The following GLYR1 variants were observed in gnomAD, a reference collection of about 807,000 sequenced individuals.
GLYR1 encodes the protein glyoxylate reductase 1 homolog, also known as cytokine-like nuclear factor N-PAC.
A neutral mutation model predicts 72.7 loss-of-function variants in GLYR1; 21 were observed. That is an observed-to-expected ratio of 0.29 (90% CI 0.20 to 0.42). GLYR1 has a LOEUF of 0.42. Among genes scored for constraint, GLYR1 ranks in the 10% least tolerant of loss-of-function variants. The probability of loss-of-function intolerance (pLI) is 1.00; values close to 1 mark genes in which losing one functional copy is unlikely to be tolerated. For missense variants in GLYR1, 594 were observed against 712.1 expected, an observed-to-expected ratio of 0.83 and a Z score of 1.89; for synonymous variants, 392 against 270.2, an observed-to-expected ratio of 1.45 and a Z score of -4.42.
intron 13 of GLYR1, 50 bp from the exon 14 acceptor site, chr16:4,811,852 G>A (rs755201543): frequency 6.4e-7 from 1 of 1,570,428 alleles, no homozygotes; most frequent in African/African-American, 1.4e-5. Flanking sequence ...CCACAGACAG[G>A]GCTTCTCTGT....
chr16:4,824,792 C>T (rs2084273591), intron 5 of GLYR1, among the ~76,000 whole-genome samples: 1 of 152,134 alleles, frequency 6.6e-6, no homozygotes, highest in Non-Finnish European at 1.5e-5. Flanking sequence ...GGTCTGGTCC[C>T]TCTCGACTGC....
chr16:4,841,757 A>G (rs1285055256), intron 3 of GLYR1, among the ~76,000 whole-genome samples: 1 of 152,200 alleles, frequency 6.6e-6, no homozygotes, highest in Non-Finnish European at 1.5e-5. Flanking sequence ...GTAATTATTC[A>G]TTTAGCTAAT....
intron 10 of GLYR1, among the ~76,000 whole-genome samples, chr16:4,816,596 C>A (rs568749499): frequency 2.0e-4 from 31 of 151,728 alleles, no homozygotes; most frequent in Admixed American, 7.9e-4. Context: ...GGAGTATTAT[C>A]AAAAAAAATC....
chr16:4,831,711 C>T (rs2084811968), intron 5 of GLYR1, among the ~76,000 whole-genome samples: 1 of 152,202 alleles, frequency 6.6e-6, no homozygotes, highest in African/African-American at 2.4e-5. Flanking sequence ...CTCACTCCAT[C>T]ACCCAGGCTA....
rs1167470221 is a variant in GLYR1 at position 4,828,068 on chromosome 16, G to GTA, written c.537+3909_537+3910dup. 1.3e-3 allele frequency among the ~76,000 whole-genome samples: 194 copies of GTA among 150,682 alleles called. 1 individual carries two copies. The highest frequency in any genetic ancestry group is 4.5e-3 in the African/African-American group (187 of 41,126). On this transcript the variant is annotated intron_variant, in intron 5 of 15. Coordinates refer to ENST00000321919, the MANE Select transcript of GLYR1 (RefSeq NM_032569.4). ...ATGAAGTATTTTTAACTTAAGGCAT[G>GTA]TATATATATATATTTTTTTGAGATG...
Position 4,811,685 on chromosome 16 carries a change from G to A in GLYR1, c.1400C>T (p.Thr467Ile). 6.2e-7 allele frequency: 1 copy of A among 1,614,248 alleles called. No individual in the cohort carries two copies. The highest frequency in any genetic ancestry group is 8.5e-7 in the Non-Finnish European group (1 of 1,180,050). The change falls in exon 14 of 16, where the codon ACA becomes ATA. Residue 467 changes from threonine to isoleucine, a missense_variant. Thr to Ile is a moderately conservative substitution (Grantham distance 89, BLOSUM62 -1). Transcript: ENST00000321919. ...LAQVTGQSQQ[T>I]LLDILNQGQL... Reference sequence around the variant, plus strand: ...TCCCTGATTGAGGATGTCCAAGAGTGTCTGCTGGGACTGGCCTGTCACCTG... The same window carrying A: ...TCCCTGATTGAGGATGTCCAAGAGTATCTGCTGGGACTGGCCTGTCACCTG...
intron 5 of GLYR1, among the ~76,000 whole-genome samples, chr16:4,829,765 T>C (rs4619406): frequency 0.58 from 87,528 of 151,908 alleles, 26,378 homozygotes; most frequent in African/African-American, 0.75. Flanking sequence ...CTCTGCCTCC[T>C]GGGTTCACGT....
At chr16:4,830,450 C>T (rs904668246) in intron 5 of GLYR1, among the ~76,000 whole-genome samples, 1 of 152,160 alleles carries the variant, frequency 6.6e-6, no homozygotes, top group African/African-American at 2.4e-5. Flanking sequence ...ACTCCCTGAC[C>T]ATGGCCAGCC....
At position 4,810,177 on chromosome 16, in the gene GLYR1, T is replaced by C. The variant is rs528374583; in HGVS notation, c.1587+993A>G. Among the ~76,000 whole-genome samples the C allele has an allele frequency of 2.0e-5, 3 of 152,258 alleles. No homozygotes were observed. In the South Asian group the frequency reaches 6.2e-4, roughly 32 times the overall value. ...GAAAGCAGGATTAAAATAAATGATT[T>C]AAGATTCCACTTTAAAGGGTTTGAA... On this transcript the variant is annotated intron_variant, in intron 15 of 15. Coordinates refer to ENST00000321919, the MANE Select transcript of GLYR1 (RefSeq NM_032569.4).
intron 11 of GLYR1, 134 bp downstream of exon 11, chr16:4,814,403 G>C (rs1004629763): frequency 1.4e-6 from 1 of 701,448 alleles, no homozygotes; most frequent in African/African-American, 1.7e-5. Flanking sequence ...TTCACAATGG[G>C]AGATGGCCCC....
chr16:4,841,989 C>T (rs1466470968), intron 3 of GLYR1, among the ~76,000 whole-genome samples: 1 of 152,134 alleles, frequency 6.6e-6, no homozygotes, highest in African/African-American at 2.4e-5. Context: ...CGCCTGTAAT[C>T]CCAGCACTTT....
At chr16:4,834,391 C>T (rs117470433) in intron 3 of GLYR1, among the ~76,000 whole-genome samples, 2,063 of 151,210 alleles carry the variant, frequency 0.014, 25 homozygotes, top group South Asian at 0.03. Context: ...ACCTCGCCTC[C>T]TAGGTTCAAG....
At chr16:4,822,702 A>C (rs1192815070) in intron 7 of GLYR1, among the ~76,000 whole-genome samples, 173 bp downstream of exon 7, 1 of 152,156 alleles carries the variant, frequency 6.6e-6, no homozygotes, top group Non-Finnish European at 1.5e-5. Context: ...ATTTACTTTT[A>C]ATCTTAACAA....
intron 9 of GLYR1, chr16:4,817,922 G>A (rs887131105): frequency 1.4e-5 from 7 of 503,156 alleles, no homozygotes; most frequent in African/African-American, 1.9e-5. Context: ...CAGGCATTTT[G>A]AAACCCCTGA....
intron 12 of GLYR1, among the ~76,000 whole-genome samples, chr16:4,813,297 T>C (rs947256243): frequency 6.6e-6 from 1 of 152,156 alleles, no homozygotes; most frequent in African/African-American, 2.4e-5. Flanking sequence ...TAGAACCAGA[T>C]GTGACCATGT....
At chr16:4,822,780 A>C (rs543436614) in intron 7 of GLYR1, 95 bp downstream of exon 7, 5 of 1,027,016 alleles carry the variant, frequency 4.9e-6, no homozygotes, top group Non-Finnish European at 7.7e-6. Flanking sequence ...ACACCGGCAG[A>C]GCCTAACTTT....
intron 3 of GLYR1, among the ~76,000 whole-genome samples, chr16:4,833,826 T>C (rs1342192861): frequency 6.6e-6 from 1 of 152,236 alleles, no homozygotes; most frequent in Non-Finnish European, 1.5e-5. Context: ...CAGCTGGCTT[T>C]CTATGGCTTC....
At chr16:4,811,499 C>T in intron 14 of GLYR1, 124 bp downstream of exon 14, 2 of 1,329,720 alleles carry the variant, frequency 1.5e-6, no homozygotes, top group Non-Finnish European at 2.1e-6. Context: ...TGTTTCTGAA[C>T]CTCCTCTGGC....
Position 4,828,570 on chromosome 16 carries a change from TG to T in GLYR1, c.537+3408del, listed in dbSNP as rs531852567. 2.2e-3 allele frequency among the ~76,000 whole-genome samples: 335 copies of T among 152,174 alleles called. 4 individuals carry two copies. The highest frequency in any genetic ancestry group is 7.7e-3 in the African/African-American group (322 of 41,560). On this transcript the variant is annotated intron_variant, in intron 5 of 15. Transcript: ENST00000321919. ...GACCCAAGGGCTGTCTGCAGTTTAT[TG>T]GGAGCTCGTGAGACGAGTTCCTGTA...
Sources: allele counts gnomAD v4.1 joint callset (sites outside exome capture counted in the v4.1 genomes callset), GRCh38; gene constraint gnomAD v4.1.1; transcripts MANE v1.5; gene names NCBI Gene and HGNC (gene_info 2026-07-23, HGNC 2026-07-21).